STK10: variants seen among roughly 807,000 people sequenced by gnomAD.
The protein encoded by STK10 is serine/threonine kinase 10.
A neutral mutation model predicts 113.8 loss-of-function variants in STK10; 78 were observed. The ratio of observed to expected loss-of-function variants is 0.69; its 90% CI spans 0.57 to 0.83. The LOEUF (loss-of-function observed/expected upper bound fraction) is 0.83. STK10 is among the 40% of genes least tolerant of loss of function. STK10 has a pLI of 0.00. For missense variants in STK10, 1,109 were observed against 1,280.1 expected (o/e 0.87, Z 2.04); for synonymous variants, 465 against 494.7 (o/e 0.94, Z 0.80).
rs1054263859 is a variant in STK10, at chr5:172,043,088, G to T, written c.*1794C>A. The T allele has an allele frequency of 6.2e-5, 9 of 144,754 alleles. No individual in the cohort carries two copies. The highest frequency in any genetic ancestry group is 1.6e-4 in the African/African-American group (6 of 37,004). The allele number at this position is 144,754 out of a possible 1,614,324, so 9.0% of individuals were successfully genotyped here. ...AACATATTAGAGACCCTGTCTCAAA[G>T]AATTTTTTTTTTTTTTTTTTTTGAG... On this transcript the variant is annotated 3_prime_UTR_variant, in exon 19 of 19. Transcript: ENST00000176763.
chr5:172,103,373 G>A (rs999604523), intron 7 of STK10, among the ~76,000 whole-genome samples: 3 of 152,224 alleles, frequency 2.0e-5, no homozygotes, highest in Admixed American at 6.5e-5. Flanking sequence ...TCTGCTGGAC[G>A]GTAAGAATCC....
In STK10 at chr5:172,096,580, C is replaced by G; in HGVS notation, c.871-20G>C. ...GGGATGCTGAGGGGGCAAGATGCAC[C>G]CAGATTAGAACCACTCTGGGGTCAC... On this transcript the variant is annotated intron_variant, in intron 7 of 18. Coordinates refer to ENST00000176763, the MANE Select transcript of STK10 (RefSeq NM_005990.4). 1 of 1,611,590 alleles carries G rather than the reference C, an allele frequency of 6.2e-7. No individual in the cohort carries two copies. The highest frequency in any genetic ancestry group is 2.2e-5 in the East Asian group (1 of 44,894).
intron 7 of STK10, among the ~76,000 whole-genome samples, chr5:172,101,755 C>T (rs911531676): frequency 2.0e-5 from 3 of 152,106 alleles, no homozygotes; most frequent in Admixed American, 1.3e-4. Flanking sequence ...GGGGAGGCCT[C>T]ACCACAAGGC....
At chr5:172,110,861 C>T (rs1769223735) in intron 4 of STK10, among the ~76,000 whole-genome samples, 1 of 152,116 alleles carries the variant, frequency 6.6e-6, no homozygotes, top group African/African-American at 2.4e-5. Flanking sequence ...ATTCTTTCAC[C>T]GGCCCATGAG....
chr5:172,146,605 T>C (rs1770091608), intron 2 of STK10, among the ~76,000 whole-genome samples: 1 of 152,158 alleles, frequency 6.6e-6, no homozygotes, highest in Admixed American at 6.5e-5. Flanking sequence ...AGGGAGCATG[T>C]ACCTATGTAG....
intron 8 of STK10, among the ~76,000 whole-genome samples, chr5:172,095,850 G>A (rs150791806): frequency 3.3e-5 from 5 of 152,336 alleles, no homozygotes; most frequent in African/African-American, 1.2e-4. Flanking sequence ...CAGGGATTAC[G>A]GAGCAACAGC....
Position 172,058,611 on chromosome 5 carries a change from C to T in STK10, c.2213-1138G>A, listed in dbSNP as rs186800062. Among the ~76,000 whole-genome samples, 683 of 152,256 alleles carry T rather than the reference C, an allele frequency of 4.5e-3. 3 individuals are homozygous for T. Among genetic ancestry groups the T allele is most frequent in the Non-Finnish European group, 7.0e-3 (478 of 68,014 alleles). On this transcript the variant is annotated intron_variant, in intron 14 of 18. Coordinates refer to ENST00000176763, the MANE Select transcript of STK10 (RefSeq NM_005990.4). ...TATTTTTAAAACATAATATGTACGG[C>T]CAGGCACAGTGGCTCACACCGTAGT...
chr5:172,176,438 A>G (rs896276676), intron 1 of STK10, among the ~76,000 whole-genome samples: 10 of 151,990 alleles, frequency 6.6e-5, no homozygotes, highest in African/African-American at 1.5e-4. Flanking sequence ...TCGGGTTCCA[A>G]CTACAGCTCT....
At chr5:172,059,757 G>A (rs115457746) in intron 14 of STK10, among the ~76,000 whole-genome samples, 2,420 of 152,258 alleles carry the variant, frequency 0.016, 67 homozygotes, top group African/African-American at 0.055. Flanking sequence ...GCCTCATTCT[G>A]TAAGGGACCC....
intron 7 of STK10, among the ~76,000 whole-genome samples, chr5:172,097,143 A>C (rs1424678412): frequency 1.3e-5 from 2 of 152,278 alleles, no homozygotes; most frequent in South Asian, 4.1e-4. Flanking sequence ...GGTTCAAGGG[A>C]TTCTCCTGCC....
chr5:172,064,119 G>A (rs564020330), intron 13 of STK10, among the ~76,000 whole-genome samples: 5 of 152,114 alleles, frequency 3.3e-5, no homozygotes, highest in Non-Finnish European at 7.4e-5. Context: ...GAAACTGCAG[G>A]GGAAAAACAG....
At chr5:172,071,328 G>C (rs1338594065) in intron 12 of STK10, among the ~76,000 whole-genome samples, 1 of 102,556 alleles carries the variant, frequency 9.8e-6, no homozygotes, top group Non-Finnish European at 2.0e-5. Flanking sequence ...TAAAACTGAG[G>C]CAGGATAGGT....
At chr5:172,151,291 T>C (rs957642490) in intron 2 of STK10, among the ~76,000 whole-genome samples, 4 of 152,064 alleles carry the variant, frequency 2.6e-5, no homozygotes, top group African/African-American at 9.7e-5. Context: ...GGAGACGGAT[T>C]GCGAACCTGC....
At chr5:172,127,756 C>A (rs1407769103) in intron 2 of STK10, among the ~76,000 whole-genome samples, 1 of 152,230 alleles carries the variant, frequency 6.6e-6, no homozygotes, top group African/African-American at 2.4e-5. Context: ...CTGGTGCCCA[C>A]CTGCCAGCTG....
Position 172,044,740 on chromosome 5 carries a change from T to G in STK10, c.*142A>C. The G allele has an allele frequency of 3.6e-6, 5 of 1,378,798 alleles. No homozygotes were observed. The highest frequency in any genetic ancestry group is 5.0e-6 in the Non-Finnish European group (5 of 991,512). The allele number at this position is 1,378,798 out of a possible 1,614,324, so 85.4% of individuals were successfully genotyped here. On this transcript the variant is annotated 3_prime_UTR_variant, in exon 19 of 19. Coordinates refer to ENST00000176763, the MANE Select transcript of STK10 (RefSeq NM_005990.4). This position sits in a 1 kb window ranked among gnomAD's most constrained non-coding sequence, Gnocchi z 4.5. ...GCTGGGGCAGGTCTATCAGGCACAG[T>G]TGGGGTGGCACAGGGCGAGGGGCTG...
chr5:172,182,964 T>C (rs1179844867), intron 1 of STK10, among the ~76,000 whole-genome samples: 1 of 152,110 alleles, frequency 6.6e-6, no homozygotes, highest in East Asian at 1.9e-4. Context: ...CCCAGCACTT[T>C]GGATGGCTGA....
intron 1 of STK10, among the ~76,000 whole-genome samples, chr5:172,164,636 G>A (rs55679157): frequency 0.1 from 15,444 of 152,070 alleles, 1,154 homozygotes; most frequent in African/African-American, 0.21. Context: ...CTGGGCCTCA[G>A]TCTCCCCCCT....
chr5:172,044,598 C>A lies in STK10; in HGVS notation c.*284G>T, dbSNP rs1241444291. 2.0e-5 allele frequency: 10 copies of A among 496,786 alleles called. No individual in the cohort carries two copies. The highest frequency in any genetic ancestry group is 3.3e-5 in the Non-Finnish European group (9 of 274,182). 30.8% of individuals were successfully genotyped at this position (496,786 alleles called of 1,614,324 possible). On this transcript the variant is annotated 3_prime_UTR_variant, in exon 19 of 19. Transcript: ENST00000176763. This position sits in a 1 kb window ranked among gnomAD's most constrained non-coding sequence, Gnocchi z 4.5. ...CCATTCCTCTTGGACCCTGACCCCA[C>A]CAACAGCCCCATCCCTTCCAGCTTG...
At chr5:172,101,594 A>G (rs1014296337) in intron 7 of STK10, among the ~76,000 whole-genome samples, 1 of 152,230 alleles carries the variant, frequency 6.6e-6, no homozygotes, top group Non-Finnish European at 1.5e-5. Context: ...GGGCACTGAC[A>G]TGCCGGGCAG....
Sources: allele counts gnomAD v4.1 joint callset (sites outside exome capture counted in the v4.1 genomes callset), GRCh38; gene constraint gnomAD v4.1.1; non-coding constraint Gnocchi (gnomAD v3.1); transcripts MANE v1.5; gene names NCBI Gene and HGNC (gene_info 2026-07-23, HGNC 2026-07-21).